Variants in ATRNL1 observed in about 807,000 individuals in gnomAD.
The protein encoded by ATRNL1 is attractin-like protein 1.
ATRNL1 carries 95 observed loss-of-function variants against 182.7 expected under a neutral mutation model. The observed-to-expected ratio is 0.52, with a 90% confidence interval of 0.44 to 0.62. The LOEUF is 0.62. ATRNL1 is among the 20% of genes least tolerant of loss of function. The probability of loss-of-function intolerance (pLI) is 0.00; values close to 1 mark genes in which losing one functional copy is unlikely to be tolerated. For synonymous variants in ATRNL1, 576 were observed against 568.3 expected (o/e 1.01, Z -0.19); for missense variants, 1,471 against 1,679.5 (o/e 0.88, Z 2.17).
chr10:115,354,224 G>A (rs2134133936), intron 19 of ATRNL1, among the ~76,000 whole-genome samples: 1 of 152,158 alleles, frequency 6.6e-6, no homozygotes, highest in African/African-American at 2.4e-5. Flanking sequence ...GGACTCTTCT[G>A]TTAGAGTATT....
chr10:115,834,435 A>G (rs1319915021), intron 27 of ATRNL1, among the ~76,000 whole-genome samples: 1 of 151,824 alleles, frequency 6.6e-6, no homozygotes, highest in African/African-American at 2.4e-5. Flanking sequence ...AGGCTCAACA[A>G]CTCTTCTTTT....
chr10:115,836,685 T>C (rs1372232389), intron 27 of ATRNL1, among the ~76,000 whole-genome samples: 1 of 152,090 alleles, frequency 6.6e-6, no homozygotes, highest in Admixed American at 6.5e-5. Flanking sequence ...CCTAATGGAG[T>C]ATGACCTCTC....
intron 26 of ATRNL1, among the ~76,000 whole-genome samples, chr10:115,570,796 C>CATGT (rs35917272): frequency 0.026 from 4,016 of 152,282 alleles, 64 homozygotes; most frequent in Non-Finnish European, 0.04. Flanking sequence ...ATCTAGCTAT[C>CATGT]ATGTATAAAG....
chr10:115,362,559 G>A (rs563709375), intron 19 of ATRNL1, among the ~76,000 whole-genome samples: 1 of 150,544 alleles, frequency 6.6e-6, no homozygotes, highest in Non-Finnish European at 1.5e-5. Flanking sequence ...TAGGGTACAT[G>A]TGCACATTGT....
intron 26 of ATRNL1, among the ~76,000 whole-genome samples, chr10:115,613,881 C>A (rs1426590657): frequency 1.3e-5 from 2 of 151,678 alleles, no homozygotes; most frequent in African/African-American, 4.8e-5. Flanking sequence ...TATTTCATTT[C>A]TGATTGTTTT....
chr10:115,132,217 G>T (rs1332001246), intron 5 of ATRNL1, among the ~76,000 whole-genome samples: 1 of 152,142 alleles, frequency 6.6e-6, no homozygotes, highest in Non-Finnish European at 1.5e-5. Context: ...TGCTGAGAAT[G>T]ATGGTTTCCA....
chr10:115,443,666 C>T (rs181012041), intron 21 of ATRNL1, among the ~76,000 whole-genome samples: 5 of 152,024 alleles, frequency 3.3e-5, no homozygotes, highest in East Asian at 1.9e-4. Context: ...TTGATATTCT[C>T]TAGACTTTCT....
At chr10:115,183,419 G>C (rs1372531272) in intron 8 of ATRNL1, among the ~76,000 whole-genome samples, 2 of 151,182 alleles carry the variant, frequency 1.3e-5, no homozygotes, top group Non-Finnish European at 3.0e-5. Context: ...CAGAAAAACA[G>C]ATTAATTTTT....
At chr10:115,221,146 G>A (rs1849447702) in intron 9 of ATRNL1, among the ~76,000 whole-genome samples, 1 of 152,166 alleles carries the variant, frequency 6.6e-6, no homozygotes. Context: ...GACAGGAGGT[G>A]GAGCTCAGGC....
At chr10:115,533,225 C>T (rs1392270643) in intron 25 of ATRNL1, among the ~76,000 whole-genome samples, 1 of 151,704 alleles carries the variant, frequency 6.6e-6, no homozygotes, top group East Asian at 1.9e-4. Flanking sequence ...GTGAATCCAT[C>T]TGGTCCTGGA....
intron 26 of ATRNL1, among the ~76,000 whole-genome samples, chr10:115,577,237 A>C (rs1555005567): frequency 6.6e-6 from 1 of 151,536 alleles, no homozygotes; most frequent in Non-Finnish European, 1.5e-5. Context: ...TCAAATTTTA[A>C]TATTGTTTTT....
chr10:115,513,753 A>G (rs1459355861), intron 24 of ATRNL1, among the ~76,000 whole-genome samples: 2 of 151,902 alleles, frequency 1.3e-5, no homozygotes, highest in Non-Finnish European at 2.9e-5. Context: ...TTCCATAGGC[A>G]ATTTCCTGTG....
At chr10:115,908,980 A>C (rs139047646) in intron 28 of ATRNL1, among the ~76,000 whole-genome samples, 1,620 of 152,280 alleles carry the variant, frequency 0.011, 27 homozygotes, top group African/African-American at 0.037. Context: ...TCATGCCTGC[A>C]CACCCCCATC....
intron 27 of ATRNL1, among the ~76,000 whole-genome samples, chr10:115,809,066 G>A (rs553668245): frequency 6.6e-6 from 1 of 151,964 alleles, no homozygotes; most frequent in South Asian, 2.1e-4. Flanking sequence ...TTTTTCATAA[G>A]AATACCGAAT....
chr10:115,263,005 A>G (rs1183372019), intron 10 of ATRNL1, among the ~76,000 whole-genome samples: 1 of 151,890 alleles, frequency 6.6e-6, no homozygotes, highest in Non-Finnish European at 1.5e-5. Context: ...ATCTAGAGAA[A>G]CATTCAAAAT....
intron 26 of ATRNL1, among the ~76,000 whole-genome samples, chr10:115,639,961 T>C (rs1307227827): frequency 1.3e-5 from 2 of 152,066 alleles, no homozygotes; most frequent in Non-Finnish European, 2.9e-5. Context: ...CCTAATGCTC[T>C]CCCTCCCCTG....
intron 21 of ATRNL1, among the ~76,000 whole-genome samples, chr10:115,437,677 T>A (rs527375838): frequency 5.9e-5 from 9 of 152,160 alleles, no homozygotes; most frequent in South Asian, 2.1e-4. Context: ...GATGGCTGAC[T>A]ATAAGATCAT....
intron 3 of ATRNL1, among the ~76,000 whole-genome samples, chr10:115,124,133 G>T (rs1369448901): frequency 6.6e-6 from 1 of 152,066 alleles, no homozygotes; most frequent in African/African-American, 2.4e-5. Context: ...TGTCTTCCAT[G>T]AAACTGGTCT....
At chr10:115,324,186 A>AT (rs532166172) in intron 18 of ATRNL1, among the ~76,000 whole-genome samples, 40 of 151,328 alleles carry the variant, frequency 2.6e-4, no homozygotes, top group Non-Finnish European at 4.6e-4. Context: ...TTAATTTAGA[A>AT]TTTTTTTTTC....
Sources: allele counts gnomAD v4.1 joint callset (sites outside exome capture counted in the v4.1 genomes callset), GRCh38; gene constraint gnomAD v4.1.1; transcripts MANE v1.5; gene names NCBI Gene and HGNC (gene_info 2026-07-23, HGNC 2026-07-21).